The following TPH2 variants were observed in gnomAD, a reference collection of about 807,000 sequenced individuals.
TPH2 encodes the protein tryptophan hydroxylase 2, also known as tryptophan 5-hydroxylase 2.
A neutral mutation model predicts 59.1 loss-of-function variants in TPH2; 27 were observed. That is an observed-to-expected ratio of 0.46 (90% CI 0.34 to 0.63). The LOEUF is 0.63. TPH2 is among the 30% of genes least tolerant of loss of function. The pLI, the probability that TPH2 is intolerant of heterozygous loss-of-function variation, is 0.01. For synonymous variants in TPH2, 220 were observed against 210.5 expected (o/e 1.05, Z -0.39); for missense variants, 523 against 588.3 (o/e 0.89, Z 1.15).
intron 5 of TPH2, among the ~76,000 whole-genome samples, chr12:71,954,393 T>C (rs1035489856): frequency 6.6e-6 from 1 of 152,154 alleles, no homozygotes; most frequent in East Asian, 1.9e-4. Context: ...ACGCCCTGTA[T>C]CGAGAGGACA....
chr12:72,029,536 T>C lies in TPH2; in HGVS notation c.1165-1722T>C, dbSNP rs374459561. ...ACATTTTGTTTCTTGAAACTGTGAA[T>C]ATGTTTCTAAAATTGTGGACAGAAT... On this transcript the variant is annotated intron_variant, in intron 9 of 10. Coordinates refer to ENST00000333850, the MANE Select transcript of TPH2 (RefSeq NM_173353.4). 2.0e-5 allele frequency among the ~76,000 whole-genome samples: 3 copies of C among 152,332 alleles called. No homozygotes were observed. The South Asian group carries it at 6.2e-4, about 32-fold the overall frequency.
At chr12:71,955,441 C>A (rs1286190189) in intron 5 of TPH2, among the ~76,000 whole-genome samples, 2 of 152,176 alleles carry the variant, frequency 1.3e-5, no homozygotes, top group African/African-American at 2.4e-5. Context: ...ACATAAAGGC[C>A]TTGGCTGCTT....
At chr12:71,991,697 G>T (rs564662543) in intron 7 of TPH2, among the ~76,000 whole-genome samples, 1 of 152,002 alleles carries the variant, frequency 6.6e-6, no homozygotes. Context: ...GAGTCCATAG[G>T]GTCCACTCCC....
At chr12:71,999,110 C>T (rs1318618357) in intron 8 of TPH2, among the ~76,000 whole-genome samples, 2 of 152,192 alleles carry the variant, frequency 1.3e-5, no homozygotes, top group Middle Eastern at 3.2e-3. Context: ...AACTCTTTGT[C>T]CAAAGCAGCT....
intron 9 of TPH2, 108 bp downstream of exon 9, chr12:72,022,602 A>G (rs1323540631): frequency 3.2e-6 from 3 of 940,098 alleles, no homozygotes; most frequent in South Asian, 2.7e-5. Flanking sequence ...CTCCATAAAT[A>G]TTTAACATAG....
intron 8 of TPH2, among the ~76,000 whole-genome samples, chr12:72,020,892 T>C (rs1047064844): frequency 6.6e-6 from 1 of 152,154 alleles, no homozygotes; most frequent in Non-Finnish European, 1.5e-5. Flanking sequence ...TGGGTCCAGC[T>C]CAGTGCTGCA....
intron 8 of TPH2, among the ~76,000 whole-genome samples, chr12:72,020,957 C>A (rs893603485): frequency 6.6e-5 from 10 of 152,120 alleles, no homozygotes; most frequent in African/African-American, 1.7e-4. Context: ...AAATATATAA[C>A]CTTCCTGAAC....
At chr12:72,021,374 T>A (rs994826469) in intron 8 of TPH2, among the ~76,000 whole-genome samples, 14 of 150,950 alleles carry the variant, frequency 9.3e-5, no homozygotes, top group Non-Finnish European at 1.8e-4. Flanking sequence ...TGTGTGTGTG[T>A]GTGTGTGTGT....
intron 8 of TPH2, among the ~76,000 whole-genome samples, chr12:72,018,608 C>G (rs767261075): frequency 6.6e-6 from 1 of 152,126 alleles, no homozygotes; most frequent in East Asian, 1.9e-4. Context: ...TGGCTCTGAA[C>G]GTGTATTTTG....
At chr12:71,998,079 A>G (rs1034773467) in intron 8 of TPH2, among the ~76,000 whole-genome samples, 1 of 152,152 alleles carries the variant, frequency 6.6e-6, no homozygotes, top group African/African-American at 2.4e-5. Context: ...AGAAAGTGTA[A>G]ACTTGCAAAG....
In TPH2 at chr12:71,994,490, G is replaced by A. The variant is rs754918661; in HGVS notation, c.993G>A (p.Lys331=). ...ATGTTCCACTACTTGCGGATCCTAAGTTTGCTCAGTTTTCACAAGAAATAG... is the reference window on the plus strand; with the variant it reads ...ATGTTCCACTACTTGCGGATCCTAAATTTGCTCAGTTTTCACAAGAAATAG... ...LGHVPLLADP[K]FAQFSQEIGL... is the part of the protein sequence containing the mutation. The change falls in exon 8 of 11, where the codon AAG becomes AAA. Residue 331 remains lysine (K), a synonymous_variant. Transcript: ENST00000333850. 2 of 1,613,992 alleles carry A rather than the reference G, an allele frequency of 1.2e-6. No homozygotes were observed. Among genetic ancestry groups the A allele is most frequent in the East Asian group, 4.5e-5 (2 of 44,868 alleles).
At chr12:71,949,279 T>C (rs1034925459) in intron 4 of TPH2, among the ~76,000 whole-genome samples, 2 of 152,234 alleles carry the variant, frequency 1.3e-5, no homozygotes, top group Admixed American at 1.3e-4. Flanking sequence ...ATCAATTACA[T>C]GCAAATGATA....
chr12:71,989,834 A>G (rs6582081), intron 7 of TPH2, among the ~76,000 whole-genome samples: 123,773 of 152,092 alleles, frequency 0.81, 50,762 homozygotes, highest in East Asian at 0.96. Flanking sequence ...GAGACATTTC[A>G]CCGAGGCTCC....
chr12:71,984,138 A>G (rs4760751), intron 7 of TPH2, among the ~76,000 whole-genome samples: 128,818 of 152,200 alleles, frequency 0.85, 54,621 homozygotes, highest in East Asian at 0.96. Context: ...TTATATTGCC[A>G]TAATACAATG....
At chr12:71,970,348 C>G (rs148339368) in intron 5 of TPH2, among the ~76,000 whole-genome samples, 4 of 152,146 alleles carry the variant, frequency 2.6e-5, no homozygotes, top group Admixed American at 6.5e-5. Context: ...CCCAAGACTG[C>G]GAGGCTGGAA....
chr12:72,011,059 G>C (rs11179043), intron 8 of TPH2, among the ~76,000 whole-genome samples: 7,088 of 152,280 alleles, frequency 0.047, 309 homozygotes, highest in East Asian at 0.17. Flanking sequence ...ATATGAAAAT[G>C]ATGTGTACCT....
At chr12:71,992,255 T>A (rs1156883821) in intron 7 of TPH2, among the ~76,000 whole-genome samples, 1 of 152,070 alleles carries the variant, frequency 6.6e-6, no homozygotes, top group East Asian at 1.9e-4. Flanking sequence ...GCAGAAAGAG[T>A]GTAGCTTTGG....
At chr12:72,028,328 A>G (rs1873625109) in intron 9 of TPH2, among the ~76,000 whole-genome samples, 1 of 152,140 alleles carries the variant, frequency 6.6e-6, no homozygotes, top group Admixed American at 6.6e-5. Flanking sequence ...TCCACTCTGG[A>G]CATAGAGAAG....
chr12:71,997,679 C>T (rs1462904764), intron 8 of TPH2, among the ~76,000 whole-genome samples: 1 of 151,984 alleles, frequency 6.6e-6, no homozygotes, highest in African/African-American at 2.4e-5. Flanking sequence ...TGAAATGTAC[C>T]TGCTTTTTTG....
Sources: allele counts gnomAD v4.1 joint callset (sites outside exome capture counted in the v4.1 genomes callset), GRCh38; gene constraint gnomAD v4.1.1; transcripts MANE v1.5; gene names NCBI Gene and HGNC (gene_info 2026-07-23, HGNC 2026-07-21).